The following LRRIQ1 variants were observed in gnomAD, a reference collection of about 807,000 sequenced individuals.
LRRIQ1 encodes the protein leucine-rich repeat- and IQ domain-containing protein 1.
LRRIQ1 carries 210 observed loss-of-function variants against 211.9 expected under a neutral mutation model. The observed-to-expected ratio is 0.99, with a 90% CI of 0.89 to 1.11. The LOEUF (loss-of-function observed/expected upper bound fraction) is 1.11. Ranked by LOEUF, LRRIQ1 falls within the 50% of genes most tolerant of loss-of-function variation. The probability of loss-of-function intolerance (pLI) is 0.00; values close to 1 mark genes in which losing one functional copy is unlikely to be tolerated. For synonymous variants in LRRIQ1, 699 were observed against 650.1 expected (o/e 1.08, Z -1.14); for missense variants, 2,136 against 1,939.5 (o/e 1.10, Z -1.90).
chr12:85,209,624 G>A (rs749314689), intron 24 of LRRIQ1, among the ~76,000 whole-genome samples: 7 of 152,150 alleles, frequency 4.6e-5, no homozygotes, highest in Non-Finnish European at 7.4e-5. Context: ...CCTCAGGCTA[G>A]TAGTTAAACA....
chr12:85,200,529 C>G (rs1893235926), intron 24 of LRRIQ1, among the ~76,000 whole-genome samples: 1 of 152,092 alleles, frequency 6.6e-6, no homozygotes, highest in Admixed American at 6.6e-5. Context: ...ACATGCTTGC[C>G]TTGTTACAGT....
chr12:85,244,282 G>A (rs993461305), intron 26 of LRRIQ1, among the ~76,000 whole-genome samples: 1 of 150,982 alleles, frequency 6.6e-6, no homozygotes, highest in Non-Finnish European at 1.5e-5. Context: ...TTTTTATATT[G>A]ATAATGGCTT....
At chr12:85,127,719 A>G (rs1235001177) in intron 17 of LRRIQ1, 113 bp from the exon 18 acceptor site, 34 of 820,898 alleles carry the variant, frequency 4.1e-5, no homozygotes, top group Non-Finnish European at 5.8e-5. Context: ...TTATTTTTAA[A>G]TAATACTTTA....
chr12:85,116,423 C>T (rs569082569), intron 15 of LRRIQ1, among the ~76,000 whole-genome samples: 1 of 152,228 alleles, frequency 6.6e-6, no homozygotes, highest in Non-Finnish European at 1.5e-5. Context: ...GGATTACAGG[C>T]GTGAGCCACC....
At chr12:85,146,446 C>T (rs1367043531) in intron 19 of LRRIQ1, among the ~76,000 whole-genome samples, 1 of 151,546 alleles carries the variant, frequency 6.6e-6, no homozygotes, top group African/African-American at 2.4e-5. Context: ...GTTCAGAGCC[C>T]CTTGGAAGGG....
At chr12:85,075,521 G>A (rs2136125538) in intron 11 of LRRIQ1, among the ~76,000 whole-genome samples, 1 of 152,070 alleles carries the variant, frequency 6.6e-6, no homozygotes, top group Non-Finnish European at 1.5e-5. Context: ...GAGACAGAAT[G>A]TGGTGGTGGT....
At chr12:85,193,836 T>C (rs1892734856) in intron 24 of LRRIQ1, among the ~76,000 whole-genome samples, 1 of 147,670 alleles carries the variant, frequency 6.8e-6, no homozygotes, top group African/African-American at 2.5e-5. Flanking sequence ...TAACTTTAAA[T>C]GTAAATGGAC....
chr12:85,241,147 ATGT>A (rs926852024), intron 26 of LRRIQ1, among the ~76,000 whole-genome samples: 2 of 152,004 alleles, frequency 1.3e-5, no homozygotes, highest in African/African-American at 2.4e-5. Flanking sequence ...GTTATGTGAA[ATGT>A]TGTCATTGAG....
chr12:85,123,397 G>C (rs1272030148), intron 16 of LRRIQ1, among the ~76,000 whole-genome samples: 11 of 151,886 alleles, frequency 7.2e-5, no homozygotes, highest in Non-Finnish European at 1.5e-4. Flanking sequence ...AATAAAGGAA[G>C]ACAAAATGTA....
chr12:85,113,125 A>T (rs928491173), intron 15 of LRRIQ1, among the ~76,000 whole-genome samples: 15 of 152,288 alleles, frequency 9.8e-5, no homozygotes, highest in Admixed American at 7.2e-4. Context: ...TGTTCAGACC[A>T]GTTTCCTTAA....
chr12:85,090,444 A>T (rs1269636453), intron 11 of LRRIQ1, among the ~76,000 whole-genome samples: 3 of 152,206 alleles, frequency 2.0e-5, no homozygotes, highest in Non-Finnish European at 2.9e-5. Context: ...ACTCCAGCCC[A>T]TGAGAGCAAC....
At chr12:85,205,500 A>G (rs1893498452) in intron 24 of LRRIQ1, among the ~76,000 whole-genome samples, 1 of 152,032 alleles carries the variant, frequency 6.6e-6, no homozygotes, top group Non-Finnish European at 1.5e-5. Flanking sequence ...TTTGTGGGTG[A>G]CCTGCCCTTC....
At chr12:85,256,129 G>A (rs1040339526) in intron 1 of LRRIQ1, among the ~76,000 whole-genome samples, 41 of 151,562 alleles carry the variant, frequency 2.7e-4, no homozygotes, top group Non-Finnish European at 4.7e-4. Context: ...TAAGACAGTA[G>A]CTAGTTTCAA....
At chr12:85,132,167 A>G (rs890931615) in intron 18 of LRRIQ1, among the ~76,000 whole-genome samples, 2 of 152,076 alleles carry the variant, frequency 1.3e-5, no homozygotes, top group Admixed American at 6.6e-5. Context: ...TTAGCGCTGG[A>G]TGAAAGGTTG....
At chr12:85,162,292 T>G (rs1459932285) in intron 24 of LRRIQ1, among the ~76,000 whole-genome samples, 2 of 152,154 alleles carry the variant, frequency 1.3e-5, no homozygotes, top group Non-Finnish European at 2.9e-5. Context: ...ATTCCCAATT[T>G]AAAATAAGGC....
Position 85,047,347 on chromosome 12 carries a change from G to A in LRRIQ1, c.555G>A (p.Glu185=). The A allele has an allele frequency of 5.0e-6, 8 of 1,602,378 alleles. No homozygotes were observed. Among genetic ancestry groups the A allele is most frequent in the Non-Finnish European group, 6.8e-6 (8 of 1,172,656 alleles). ...QEKQKELEDK[E]KQTLKAQRDR... ...AACAGAAGGAATTAGAAGATAAAGA[G>A]AAACAAACTCTCAAAGCTCAGAGGG... Residue 185 remains glutamate, a synonymous_variant, in exon 6 of 27, where the codon GAG becomes GAA. Coordinates refer to ENST00000393217, the MANE Select transcript of LRRIQ1 (RefSeq NM_001079910.2).
rs1648884027 is a variant in LRRIQ1, at chr12:85,128,009, G to A, written c.4185G>A (p.Arg1395=). The A allele has an allele frequency of 1.2e-6, 2 of 1,610,566 alleles. No homozygotes were observed. The highest frequency in any genetic ancestry group is 1.3e-5 in the African/African-American group (1 of 74,828). Residue 1395 remains arginine, a synonymous_variant, in exon 18 of 27, where the codon AGG becomes AGA. Coordinates refer to ENST00000393217, the MANE Select transcript of LRRIQ1 (RefSeq NM_001079910.2). ...RENIVNIRKQ[R]EKAAILIQAV... Reference sequence around the variant, plus strand: ...ATATTGTGAATATCCGAAAACAGAGGGAGAAGGCTGCTATTCTTATTCAGG... The same window carrying A: ...ATATTGTGAATATCCGAAAACAGAGAGAGAAGGCTGCTATTCTTATTCAGG...
chr12:85,071,491 C>G (rs553697773), intron 10 of LRRIQ1, among the ~76,000 whole-genome samples: 1 of 151,862 alleles, frequency 6.6e-6, no homozygotes, highest in Non-Finnish European at 1.5e-5. Flanking sequence ...GAATATGACA[C>G]CTATTTAATT....
intron 24 of LRRIQ1, among the ~76,000 whole-genome samples, chr12:85,167,257 C>T (rs1177147653): frequency 1.3e-5 from 2 of 152,152 alleles, no homozygotes; most frequent in African/African-American, 2.4e-5. Context: ...AGTCAGGGTT[C>T]TCTAGAGGGA....
Sources: gnomAD v4.1 joint callset for allele counts (sites outside exome capture counted in the v4.1 genomes callset) on GRCh38, gnomAD v4.1.1 for gene constraint, MANE v1.5 for transcripts, NCBI Gene and HGNC (gene_info 2026-07-23, HGNC 2026-07-21) for gene names.